The following FHIP1A variants were observed in gnomAD, a reference collection of about 807,000 sequenced individuals.
The protein encoded by FHIP1A is FHF complex subunit HOOK interacting protein 1A, also known as FHF complex subunit HOOK-interacting protein 1A.
Under a neutral mutation model 88.6 loss-of-function variants are expected in FHIP1A, and 61 were observed. The ratio of observed to expected loss-of-function variants is 0.69; its 90% CI spans 0.56 to 0.85. The LOEUF (loss-of-function observed/expected upper bound fraction) is 0.85. FHIP1A is among the 40% of genes least tolerant of loss of function. The pLI is 0.00. For missense variants in FHIP1A, 1,154 were observed against 1,273.5 expected, an observed-to-expected ratio of 0.91 and a Z score of 1.43; for synonymous variants, 478 against 496.0, an observed-to-expected ratio of 0.96 and a Z score of 0.48.
Position 151,577,077 on chromosome 4 carries a change from A to G in FHIP1A, c.106-373A>G, listed in dbSNP as rs187106916. On this transcript the variant is annotated intron_variant, in intron 4 of 13. Transcript: ENST00000435205. ...TTGACATAATTATTATGCATCTAAC[A>G]TCTACGAATAGCTTGCTTTTTTCAT... 4.5e-3 allele frequency among the ~76,000 whole-genome samples: 678 copies of G among 152,306 alleles called. 15 individuals are homozygous for G. Among genetic ancestry groups the G allele is most frequent in the East Asian group, 3.1e-3 (16 of 5,188 alleles).
chr4:151,501,686 T>G (rs1200319518), intron 3 of FHIP1A, among the ~76,000 whole-genome samples: 1 of 152,020 alleles, frequency 6.6e-6, no homozygotes, highest in Non-Finnish European at 1.5e-5. Context: ...TTTGAACATT[T>G]TTTCATGTTT....
At chr4:151,475,075 C>CTG (rs1312358237) in intron 2 of FHIP1A, among the ~76,000 whole-genome samples, 2 of 152,194 alleles carry the variant, frequency 1.3e-5, no homozygotes, top group African/African-American at 4.8e-5. Flanking sequence ...TTAGTTTCAG[C>CTG]TGTGCTTCTG....
chr4:151,618,920 G>A (rs1161215466), intron 7 of FHIP1A, among the ~76,000 whole-genome samples: 2 of 152,232 alleles, frequency 1.3e-5, no homozygotes, highest in African/African-American at 4.8e-5. Flanking sequence ...GAGCACATTT[G>A]TGATTCCCTG....
chr4:151,413,530 C>T (rs1208543903), intron 1 of FHIP1A, among the ~76,000 whole-genome samples: 3 of 152,188 alleles, frequency 2.0e-5, no homozygotes, highest in Non-Finnish European at 2.9e-5. Context: ...TCTTAGCTCA[C>T]TGCAACCTTC....
chr4:151,537,797 TG>T (rs898084254), intron 3 of FHIP1A, among the ~76,000 whole-genome samples: 3 of 152,216 alleles, frequency 2.0e-5, no homozygotes, highest in African/African-American at 7.2e-5. Flanking sequence ...ACTAGACTAT[TG>T]TTTTTTCCTT....
At position 151,666,424 on chromosome 4, in the gene FHIP1A, A is replaced by G. The variant is rs1293657626; in HGVS notation, c.*3670A>G. On this transcript the variant is annotated 3_prime_UTR_variant, in exon 14 of 14. Transcript: ENST00000435205. ...AGGTGTTAGGTAGGACGCATTCGGTATTTTTATAGGTCATCAGGAGTACCC... is the reference window on the plus strand; with the variant it reads ...AGGTGTTAGGTAGGACGCATTCGGTGTTTTTATAGGTCATCAGGAGTACCC... Among the ~76,000 whole-genome samples, 1 of 152,112 alleles carries G rather than the reference A, an allele frequency of 6.6e-6. No homozygotes were observed. The highest frequency in any genetic ancestry group is 1.9e-4 in the East Asian group (1 of 5,184).
chr4:151,619,663 T>G (rs1205638039), intron 7 of FHIP1A, among the ~76,000 whole-genome samples: 1 of 152,242 alleles, frequency 6.6e-6, no homozygotes, highest in Non-Finnish European at 1.5e-5. Flanking sequence ...TCTAAAACAT[T>G]CATTTGTTAA....
At chr4:151,554,593 G>A (rs1041819995) in intron 3 of FHIP1A, among the ~76,000 whole-genome samples, 4 of 152,108 alleles carry the variant, frequency 2.6e-5, no homozygotes, top group Admixed American at 2.6e-4. Context: ...TTTGATGTTG[G>A]TAGCCAAAGG....
intron 3 of FHIP1A, among the ~76,000 whole-genome samples, chr4:151,483,968 G>A (rs1639061606): frequency 6.6e-6 from 1 of 152,150 alleles, no homozygotes; most frequent in African/African-American, 2.4e-5. Flanking sequence ...AATAGGCATT[G>A]AGCCTGTGTT....
chr4:151,427,826 T>C (rs936563102), intron 1 of FHIP1A, among the ~76,000 whole-genome samples: 5 of 152,086 alleles, frequency 3.3e-5, no homozygotes, highest in African/African-American at 1.2e-4. Flanking sequence ...TCATTGGCGA[T>C]GTGAGTAAAA....
intron 3 of FHIP1A, among the ~76,000 whole-genome samples, chr4:151,547,272 A>G (rs1732542099): frequency 6.6e-6 from 1 of 151,068 alleles, no homozygotes; most frequent in Admixed American, 7.0e-5. Context: ...CAGTCAAGAC[A>G]CACTTCTCTA....
Position 151,656,544 on chromosome 4 carries a change from A to T in FHIP1A, c.2730+134A>T. ...TTTGCTTTCCTTCCCTGTCCTATTA[A>T]GCTCACTGTGTAGTTTATTCTAGAC... On this transcript the variant is annotated intron_variant, in intron 12 of 13. Transcript: ENST00000435205. This position sits in a 1 kb window ranked among gnomAD's most constrained non-coding sequence, Gnocchi z 4.2. 3 of 1,045,080 alleles carry T rather than the reference A, an allele frequency of 2.9e-6. No homozygotes were observed. Among genetic ancestry groups the T allele is most frequent in the Non-Finnish European group, 1.4e-6 (1 of 727,890 alleles). 64.7% of individuals were successfully genotyped at this position (1,045,080 alleles called of 1,614,324 possible).
chr4:151,620,617 G>T (rs1202461403), intron 7 of FHIP1A, among the ~76,000 whole-genome samples: 1 of 152,112 alleles, frequency 6.6e-6, no homozygotes, highest in Non-Finnish European at 1.5e-5. Flanking sequence ...TAAATTTTCA[G>T]AGGCTGAGTA....
At chr4:151,452,738 A>G (rs1728831121) in intron 1 of FHIP1A, among the ~76,000 whole-genome samples, 1 of 151,162 alleles carries the variant, frequency 6.6e-6, no homozygotes, top group Admixed American at 6.6e-5. Flanking sequence ...GATTGGCGCC[A>G]CTGTACTCCA....
At chr4:151,485,873 G>A (rs1411693807) in intron 3 of FHIP1A, among the ~76,000 whole-genome samples, 1 of 152,166 alleles carries the variant, frequency 6.6e-6, no homozygotes, top group Non-Finnish European at 1.5e-5. Context: ...ACAGGCGTGG[G>A]CCACTGTGCC....
At chr4:151,577,428 C>G (rs1348937912) in intron 4 of FHIP1A, 22 bp from the exon 5 acceptor site, 11 of 1,499,518 alleles carry the variant, frequency 7.3e-6, no homozygotes, top group Non-Finnish European at 9.8e-6. Context: ...AGATGGATGA[C>G]AAATGCTTGA....
At chr4:151,507,619 T>G (rs1730879989) in intron 3 of FHIP1A, among the ~76,000 whole-genome samples, 1 of 152,132 alleles carries the variant, frequency 6.6e-6, no homozygotes, top group Admixed American at 6.5e-5. Context: ...AGATGCATAT[T>G]GTATGTTATA....
At chr4:151,458,815 A>G (rs1447382848) in intron 2 of FHIP1A, among the ~76,000 whole-genome samples, 1 of 152,086 alleles carries the variant, frequency 6.6e-6, no homozygotes, top group East Asian at 1.9e-4. Context: ...GCTCCTACTC[A>G]CACACCACAG....
intron 5 of FHIP1A, among the ~76,000 whole-genome samples, chr4:151,584,673 G>T (rs758508616): frequency 6.6e-6 from 1 of 151,980 alleles, no homozygotes; most frequent in Non-Finnish European, 1.5e-5. Context: ...TGCCCCACAC[G>T]CTCCTCATGT....
Sources: allele counts gnomAD v4.1 joint callset (sites outside exome capture counted in the v4.1 genomes callset), GRCh38; gene constraint gnomAD v4.1.1; non-coding constraint Gnocchi (gnomAD v3.1); transcripts MANE v1.5; gene names NCBI Gene and HGNC (gene_info 2026-07-23, HGNC 2026-07-21).